The following PRELID2 variants were observed in gnomAD, a reference collection of about 807,000 sequenced individuals.
PRELID2 encodes PRELI domain containing 2, also known as PRELI domain-containing protein 2.
Under a neutral mutation model 28.4 loss-of-function variants are expected in PRELID2, and 25 were observed. The observed-to-expected ratio is 0.88, with a 90% CI of 0.64 to 1.23. The LOEUF is 1.23. Among genes scored for constraint, PRELID2 ranks in the 50% most tolerant of loss-of-function variants. The pLI is 0.00. For missense variants in PRELID2, 201 were observed against 214.4 expected (o/e 0.94, Z 0.39); for synonymous variants, 76 against 71.6 (o/e 1.06, Z -0.31).
chr5:145,263,854 C>CAAA, the PRELID2 span, among the ~76,000 whole-genome samples: 1 of 123,160 alleles, frequency 8.1e-6, no homozygotes, highest in Non-Finnish European at 1.8e-5. Flanking sequence ...AAAAAGTTAC[C>CAAA]AAAAAAAAAA....
chr5:145,684,373 T>C (rs2149691162), intron 1 of PRELID2, among the ~76,000 whole-genome samples: 1 of 152,302 alleles, frequency 6.6e-6, no homozygotes, highest in East Asian at 1.9e-4. Context: ...CCTCTTCCTC[T>C]CTATCCAAAT....
rs116651827 is a variant in PRELID2 at position 145,711,418 on chromosome 5, G to A, written n.70+53513C>T. On this transcript the variant is annotated intron_variant and non_coding_transcript_variant, in intron 1 of 2. Coordinates refer to the PRELID2 transcript ENST00000510259. ...TTCATCCTTGGTGAAGTGGTGAAAT[G>A]AGGAGGAAGCTGCCATTGATTTGGA... Among the ~76,000 whole-genome samples, 1,025 of 152,284 alleles carry A rather than the reference G, an allele frequency of 6.7e-3. 8 individuals carry two copies. Among genetic ancestry groups the A allele is most frequent in the Non-Finnish European group, 0.012 (823 of 68,026 alleles).
At chr5:145,507,828 T>C (rs1057009005) in intron 1 of PRELID2, among the ~76,000 whole-genome samples, 3 of 152,218 alleles carry the variant, frequency 2.0e-5, no homozygotes, top group African/African-American at 7.2e-5. Flanking sequence ...TTATTGCTCA[T>C]CATTTCTGAG....
intron 1 of PRELID2, among the ~76,000 whole-genome samples, chr5:145,474,210 A>G (rs561714481): frequency 6.6e-6 from 1 of 152,362 alleles, no homozygotes; most frequent in Admixed American, 6.5e-5. Flanking sequence ...GAGGATCCAG[A>G]AAGAACAATG....
chr5:145,533,253 T>G (rs1003537708), intron 1 of PRELID2, among the ~76,000 whole-genome samples: 2 of 152,068 alleles, frequency 1.3e-5, no homozygotes, highest in Non-Finnish European at 2.9e-5. Flanking sequence ...TCCTAATGAC[T>G]TGGGGAGATC....
At chr5:145,301,930 C>CTT in the PRELID2 span, among the ~76,000 whole-genome samples, 8,177 of 110,098 alleles carry the variant, frequency 0.074, 459 homozygotes, top group Admixed American at 0.13. Flanking sequence ...TTATTCATTT[C>CTT]TTTTTTTTTT....
chr5:145,546,460 A>G (rs2126677065), intron 1 of PRELID2, among the ~76,000 whole-genome samples: 1 of 152,290 alleles, frequency 6.6e-6, no homozygotes, highest in East Asian at 1.9e-4. Flanking sequence ...CCCTTCCAAG[A>G]TGTACACTTG....
chr5:145,726,789 T>C (rs1426214982), intron 1 of PRELID2, among the ~76,000 whole-genome samples: 1 of 152,236 alleles, frequency 6.6e-6, no homozygotes, highest in Non-Finnish European at 1.5e-5. Flanking sequence ...CAACCTTCTG[T>C]AGCATGTCTA....
the PRELID2 span, among the ~76,000 whole-genome samples, chr5:145,415,496 GT>G: frequency 7.6e-6 from 1 of 132,282 alleles, no homozygotes; most frequent in Non-Finnish European, 1.5e-5. Context: ...TGATCTCATT[GT>G]TCAATTCCCA....
intron 4 of PRELID2, among the ~76,000 whole-genome samples, chr5:145,807,952 A>C (rs1336904579): frequency 6.6e-6 from 1 of 152,232 alleles, no homozygotes; most frequent in East Asian, 1.9e-4. Context: ...ATCAAATGGC[A>C]AATGAGTATC....
the PRELID2 span, among the ~76,000 whole-genome samples, chr5:145,299,546 G>A: frequency 6.6e-6 from 1 of 151,878 alleles, no homozygotes; most frequent in Non-Finnish European, 1.5e-5. Flanking sequence ...TCTCTGCACT[G>A]TGTATGTCCT....
chr5:145,250,733 T>A, the PRELID2 span, among the ~76,000 whole-genome samples: 1 of 152,242 alleles, frequency 6.6e-6, no homozygotes, highest in Middle Eastern at 3.4e-3. Context: ...CATGAAACAC[T>A]GTTAAGTTTT....
chr5:145,748,945 C>T (rs915836371), intron 1 of PRELID2, among the ~76,000 whole-genome samples: 1 of 152,066 alleles, frequency 6.6e-6, no homozygotes, highest in Non-Finnish European at 1.5e-5. Flanking sequence ...AAACTGGACC[C>T]CTTCCTTACA....
At chr5:145,535,885 T>C (rs7731698) in intron 1 of PRELID2, among the ~76,000 whole-genome samples, 8,992 of 152,024 alleles carry the variant, frequency 0.059, 895 homozygotes, top group African/African-American at 0.2. Context: ...AATGTTCACA[T>C]CCATATGTCT....
At chr5:145,819,787 A>C in intron 3 of PRELID2, 158 bp downstream of exon 3, 1 of 632,442 alleles carries the variant, frequency 1.6e-6, no homozygotes, top group Non-Finnish European at 2.8e-6. Flanking sequence ...GCTAAAAGTG[A>C]GGTTGGATAA....
the PRELID2 span, among the ~76,000 whole-genome samples, chr5:145,253,966 T>C: frequency 9.9e-5 from 15 of 152,018 alleles, 1 homozygote; most frequent in Non-Finnish European, 1.3e-4. Context: ...AAAAAGATAA[T>C]AATAGGAGGT....
chr5:145,539,562 C>G (rs2126670091), intron 1 of PRELID2, among the ~76,000 whole-genome samples: 1 of 152,020 alleles, frequency 6.6e-6, no homozygotes, highest in African/African-American at 2.4e-5. Flanking sequence ...TCCTCCTCCT[C>G]TTTTTGTATT....
the PRELID2 span, among the ~76,000 whole-genome samples, chr5:145,301,949 T>TG: frequency 0.03 from 4,068 of 136,786 alleles, 118 homozygotes; most frequent in African/African-American, 0.071. Context: ...TTTTTTTTTT[T>TG]GCTAACTCTG....
At chr5:145,313,000 C>T in the PRELID2 span, among the ~76,000 whole-genome samples, 1 of 151,920 alleles carries the variant, frequency 6.6e-6, no homozygotes, top group Non-Finnish European at 1.5e-5. Context: ...ATTCAAATAA[C>T]ATTTTTACAG....
Sources: gnomAD v4.1 joint callset for allele counts (sites outside exome capture counted in the v4.1 genomes callset) on GRCh38, gnomAD v4.1.1 for gene constraint, MANE v1.5 for transcripts, NCBI Gene and HGNC (gene_info 2026-07-23, HGNC 2026-07-21) for gene names.